The following LHFPL3 variants were observed in gnomAD, a reference collection of about 807,000 sequenced individuals.
LHFPL3 encodes LHFPL tetraspan subfamily member 3 protein.
LHFPL3 carries 5 observed loss-of-function variants against 19.3 expected under a neutral mutation model. The observed-to-expected ratio is 0.26, with a 90% confidence interval of 0.14 to 0.54. LHFPL3 has a LOEUF of 0.54. Among genes scored for constraint, LHFPL3 ranks in the 20% least tolerant of loss-of-function variants. The pLI is 0.94. For synonymous variants in LHFPL3, 133 were observed against 126.2 expected (o/e 1.05, Z -0.36); for missense variants, 249 against 307.4 (o/e 0.81, Z 1.42).
At chr7:104,632,172 TG>T (rs1791656048) in intron 1 of LHFPL3, among the ~76,000 whole-genome samples, 1 of 152,194 alleles carries the variant, frequency 6.6e-6, no homozygotes, top group East Asian at 1.9e-4. Context: ...TTAAATCATT[TG>T]TGTTGGGTGA....
intron 1 of LHFPL3, among the ~76,000 whole-genome samples, chr7:104,687,165 A>G (rs1175976893): frequency 6.6e-6 from 1 of 152,180 alleles, no homozygotes; most frequent in South Asian, 2.1e-4. Context: ...AGCTCACAGA[A>G]CTCAGGGAAA....
chr7:104,477,002 G>T (rs1050639096), intron 1 of LHFPL3, among the ~76,000 whole-genome samples: 2 of 151,918 alleles, frequency 1.3e-5, no homozygotes, highest in African/African-American at 4.8e-5. Context: ...TTGTTTGTTT[G>T]TTTTTTAATA....
At chr7:104,619,660 T>C (rs559580573) in intron 1 of LHFPL3, among the ~76,000 whole-genome samples, 2 of 152,284 alleles carry the variant, frequency 1.3e-5, no homozygotes, top group South Asian at 4.2e-4. Context: ...CTTTAATCAG[T>C]ACATGTTTAT....
At chr7:104,622,725 C>T (rs1791471259) in intron 1 of LHFPL3, among the ~76,000 whole-genome samples, 1 of 152,162 alleles carries the variant, frequency 6.6e-6, no homozygotes, top group Non-Finnish European at 1.5e-5. Flanking sequence ...TTTCACTTAG[C>T]ATAATATTTT....
At chr7:104,822,929 T>C (rs1175228508) in intron 2 of LHFPL3, among the ~76,000 whole-genome samples, 3 of 152,166 alleles carry the variant, frequency 2.0e-5, no homozygotes, top group African/African-American at 7.2e-5. Flanking sequence ...GTGTCTACTA[T>C]GTGACTGGCT....
Position 104,905,718 on chromosome 7 carries a change from A to G in LHFPL3, c.683-469A>G, listed in dbSNP as rs116430153. Reference sequence around the variant, plus strand: ...AATTTCCCATTTAGATAAGGAATGGAAAGAAATATAGGAAGAAAACAGTTG... The same window carrying G: ...AATTTCCCATTTAGATAAGGAATGGGAAGAAATATAGGAAGAAAACAGTTG... On this transcript the variant is annotated intron_variant, in intron 2 of 2. Coordinates refer to ENST00000424859, the MANE Select transcript of LHFPL3 (RefSeq NM_199000.3). Among the ~76,000 whole-genome samples, 1,356 of 152,318 alleles carry G rather than the reference A, an allele frequency of 8.9e-3. 22 individuals carry two copies. Among genetic ancestry groups the G allele is most frequent in the African/African-American group, 0.03 (1,245 of 41,580 alleles).
intron 1 of LHFPL3, among the ~76,000 whole-genome samples, chr7:104,381,418 A>G (rs1279016074): frequency 6.6e-6 from 1 of 152,146 alleles, no homozygotes; most frequent in Non-Finnish European, 1.5e-5. Flanking sequence ...ATCCAAAACT[A>G]TTATCTCTTT....
chr7:104,641,164 G>T (rs1230788323), intron 1 of LHFPL3, among the ~76,000 whole-genome samples: 1 of 152,148 alleles, frequency 6.6e-6, no homozygotes, highest in Non-Finnish European at 1.5e-5. Flanking sequence ...CTTTCCAAGT[G>T]GGATGCCATG....
chr7:104,698,208 T>G (rs973486858), intron 1 of LHFPL3, among the ~76,000 whole-genome samples: 9 of 152,198 alleles, frequency 5.9e-5, no homozygotes, highest in Admixed American at 6.5e-5. Context: ...GAGTCAAAAA[T>G]GTATACATTT....
chr7:104,698,426 A>T (rs1224411817), intron 1 of LHFPL3, among the ~76,000 whole-genome samples: 2 of 152,248 alleles, frequency 1.3e-5, no homozygotes, highest in Non-Finnish European at 2.9e-5. Flanking sequence ...AAATCCTATA[A>T]GGAACAAAAG....
chr7:104,407,982 A>C (rs1312614363), intron 1 of LHFPL3, among the ~76,000 whole-genome samples: 4 of 152,130 alleles, frequency 2.6e-5, no homozygotes, highest in Admixed American at 2.0e-4. Flanking sequence ...ACCCTCTTTG[A>C]CTTTAGAACT....
At chr7:104,461,333 G>C (rs1415594844) in intron 1 of LHFPL3, among the ~76,000 whole-genome samples, 2 of 152,108 alleles carry the variant, frequency 1.3e-5, no homozygotes, top group African/African-American at 4.8e-5. Context: ...GATATTTTGG[G>C]TGGGGACACA....
rs1219922662 is a variant in LHFPL3 at position 104,795,225 on chromosome 7, G to A, written c.682+58314G>A. Among the ~76,000 whole-genome samples, 3 of 152,120 alleles carry A rather than the reference G, an allele frequency of 2.0e-5. No homozygotes were observed. In the East Asian group the frequency reaches 5.8e-4, roughly 29 times the overall value. On this transcript the variant is annotated intron_variant, in intron 2 of 2. Coordinates refer to ENST00000424859, the MANE Select transcript of LHFPL3 (RefSeq NM_199000.3). ...TAGAAGTGTATTATTTGGTCTTCCA[G>A]CAAACATGAAGAGAAACAATGAAAT...
chr7:104,350,916 T>G (rs1350188404), intron 1 of LHFPL3, among the ~76,000 whole-genome samples: 1 of 152,004 alleles, frequency 6.6e-6, no homozygotes, highest in Non-Finnish European at 1.5e-5. Flanking sequence ...GGCTTACGCC[T>G]GTAATCCCAG....
At chr7:104,444,964 G>A (rs1037740267) in intron 1 of LHFPL3, among the ~76,000 whole-genome samples, 1 of 151,718 alleles carries the variant, frequency 6.6e-6, no homozygotes, top group African/African-American at 2.4e-5. Flanking sequence ...TTCCAGCCTG[G>A]GCAACAAGAG....
At chr7:104,467,707 G>A (rs1005742495) in intron 1 of LHFPL3, among the ~76,000 whole-genome samples, 6 of 152,238 alleles carry the variant, frequency 3.9e-5, no homozygotes, top group South Asian at 2.1e-4. Flanking sequence ...AGATACACTC[G>A]GACAGGATTA....
chr7:104,469,321 C>A (rs1229991278), intron 1 of LHFPL3, among the ~76,000 whole-genome samples: 1 of 152,114 alleles, frequency 6.6e-6, no homozygotes, highest in East Asian at 1.9e-4. Context: ...TGTGTAAATA[C>A]CCTCCTGAAA....
chr7:104,390,152 C>G (rs1255977193), intron 1 of LHFPL3, among the ~76,000 whole-genome samples: 2 of 150,416 alleles, frequency 1.3e-5, no homozygotes, highest in Admixed American at 1.3e-4. Context: ...ATTTACAACT[C>G]AGCAATAAAA....
chr7:104,333,009 G>A (rs1179247994), intron 1 of LHFPL3, among the ~76,000 whole-genome samples: 1 of 150,850 alleles, frequency 6.6e-6, no homozygotes, highest in African/African-American at 2.4e-5. Flanking sequence ...GAGTAGATTT[G>A]TAATTGGTCA....
Sources: allele counts gnomAD v4.1 joint callset (sites outside exome capture counted in the v4.1 genomes callset), GRCh38; gene constraint gnomAD v4.1.1; transcripts MANE v1.5; gene names NCBI Gene and HGNC (gene_info 2026-07-23, HGNC 2026-07-21).